Variants in TGFBR1 observed in about 807,000 individuals in gnomAD.
The protein encoded by TGFBR1 is transforming growth factor beta receptor 1.
A neutral mutation model predicts 55.1 loss-of-function variants in TGFBR1; 20 were observed. That is an observed-to-expected ratio of 0.36 (90% CI 0.26 to 0.53). The LOEUF is 0.53. Ranked by LOEUF, TGFBR1 falls within the 20% of genes least tolerant of loss-of-function variation. The pLI is 0.91. For synonymous variants in TGFBR1, 220 were observed against 214.8 expected, an observed-to-expected ratio of 1.02 and a Z score of -0.21; for missense variants, 385 against 617.6, an observed-to-expected ratio of 0.62 and a Z score of 3.99.
At chr9:99,146,671 T>C in intron 7 of TGFBR1, 62 bp downstream of exon 7, 1 of 1,608,858 alleles carries the variant, frequency 6.2e-7, no homozygotes, top group Middle Eastern at 1.7e-4. Flanking sequence ...AGAATTGTCT[T>C]CTTTTTTTAA....
chr9:99,129,400 T>G (rs1383334833), intron 2 of TGFBR1, among the ~76,000 whole-genome samples: 1 of 152,246 alleles, frequency 6.6e-6, no homozygotes, highest in Non-Finnish European at 1.5e-5. Flanking sequence ...GTCTCTACTT[T>G]GTTCTCAGAG....
At chr9:99,118,770 C>G (rs1826820163) in intron 1 of TGFBR1, among the ~76,000 whole-genome samples, 1 of 151,814 alleles carries the variant, frequency 6.6e-6, no homozygotes, top group Non-Finnish European at 1.5e-5. Context: ...CCCCAGCCTC[C>G]CAAATAGCTG....
chr9:99,124,891 C>T (rs933411869), intron 1 of TGFBR1, among the ~76,000 whole-genome samples: 1 of 151,966 alleles, frequency 6.6e-6, no homozygotes, highest in African/African-American at 2.4e-5. Context: ...AGGAGAAGTA[C>T]AGAGTGTATT....
At chr9:99,104,904 G>A (rs962776377), upstream of TGFBR1, among the ~76,000 whole-genome samples, 1 of 151,952 alleles carries the variant, frequency 6.6e-6, no homozygotes, top group Non-Finnish European at 1.5e-5. Flanking sequence ...GCTGGGGTCT[G>A]GCGGCCCAGC....
At chr9:99,128,320 G>A (rs1036318011) in intron 1 of TGFBR1, among the ~76,000 whole-genome samples, 16 of 151,966 alleles carry the variant, frequency 1.1e-4, no homozygotes, top group Non-Finnish European at 2.2e-4. Flanking sequence ...TGCACCAAGG[G>A]GAATAGAGAG....
At chr9:99,132,224 G>GGA (rs1005203080) in intron 2 of TGFBR1, among the ~76,000 whole-genome samples, 19 of 152,148 alleles carry the variant, frequency 1.2e-4, no homozygotes, top group African/African-American at 4.6e-4. Flanking sequence ...TGATAAGTGG[G>GGA]GAAGGTCCTA....
At chr9:99,120,430 A>T (rs1401443586) in intron 1 of TGFBR1, among the ~76,000 whole-genome samples, 1 of 152,220 alleles carries the variant, frequency 6.6e-6, no homozygotes, top group African/African-American at 2.4e-5. Flanking sequence ...AAGTGTGCAC[A>T]TCTGCTCTGT....
intron 3 of TGFBR1, among the ~76,000 whole-genome samples, chr9:99,134,129 T>G (rs2118651224): frequency 6.6e-6 from 1 of 152,256 alleles, no homozygotes; most frequent in African/African-American, 2.4e-5. Context: ...TGCAGAAAGC[T>G]CATATAATGA....
rs905896972 is a variant in TGFBR1, at chr9:99,149,842, A to G, written c.*537A>G. Reference sequence around the variant, plus strand: ...ATCTTGAGTCTAAAAATGACCTCATATAGTAGTGAGGAACATAATTCATGC... The same window carrying G: ...ATCTTGAGTCTAAAAATGACCTCATGTAGTAGTGAGGAACATAATTCATGC... On this transcript the variant is annotated 3_prime_UTR_variant, in exon 9 of 9. Transcript: ENST00000374994. 3.1e-5 allele frequency: 7 copies of G among 222,428 alleles called. No individual in the cohort carries two copies. Among genetic ancestry groups the G allele is most frequent in the African/African-American group, 1.6e-4 (7 of 44,482 alleles). 13.8% of individuals were successfully genotyped at this position (222,428 alleles called of 1,614,324 possible).
At chr9:99,111,133 G>A (rs971922992) in intron 1 of TGFBR1, among the ~76,000 whole-genome samples, 2 of 151,986 alleles carry the variant, frequency 1.3e-5, no homozygotes, top group African/African-American at 4.8e-5. Flanking sequence ...GACGAGTCCA[G>A]TGATAGTTGA....
intron 1 of TGFBR1, among the ~76,000 whole-genome samples, chr9:99,113,392 T>A (rs184592636): frequency 6.6e-6 from 1 of 152,358 alleles, no homozygotes; most frequent in East Asian, 1.9e-4. Context: ...CTGGTGCAGT[T>A]GTATCCCTAG....
chr9:99,105,992 G>A (rs1361204152), intron 1 of TGFBR1, among the ~76,000 whole-genome samples: 3 of 152,362 alleles, frequency 2.0e-5, no homozygotes, highest in Admixed American at 1.3e-4. Flanking sequence ...GCGGAGATGC[G>A]CGGAATGTTT....
chr9:99,151,988 A>C lies in TGFBR1; in HGVS notation c.*2683A>C, dbSNP rs1376220466. On this transcript the variant is annotated 3_prime_UTR_variant, in exon 9 of 9. Coordinates refer to ENST00000374994, the MANE Select transcript of TGFBR1 (RefSeq NM_004612.4). ...ATTCATTTTGTCAGTAGCCAGGAGA[A>C]ATGGGGATGGGGGAAATACGACTTA... 1 of 197,286 alleles carries C rather than the reference A, an allele frequency of 5.1e-6. No individual in the cohort carries two copies. The highest frequency in any genetic ancestry group is 1.1e-5 in the Non-Finnish European group (1 of 95,160). 12.2% of individuals were successfully genotyped at this position (197,286 alleles called of 1,614,324 possible).
intron 3 of TGFBR1, among the ~76,000 whole-genome samples, chr9:99,135,027 T>A (rs1394121448): frequency 6.6e-6 from 1 of 151,786 alleles, no homozygotes. Context: ...TGATGGATTC[T>A]GTGCACATCA....
At position 99,140,135 on chromosome 9, in the gene TGFBR1, A is replaced by G. The variant is rs190005037; in HGVS notation, c.805+2046A>G. On this transcript the variant is annotated intron_variant, in intron 4 of 8. Coordinates refer to ENST00000374994, the MANE Select transcript of TGFBR1 (RefSeq NM_004612.4). ...AGGTAGCGATTATCAGTGGCACCTG[A>G]CAATGTAATACCTCTTAAGTTAAAA... Among the ~76,000 whole-genome samples the G allele has an allele frequency of 5.9e-5, 9 of 152,300 alleles. No homozygotes were observed. The East Asian group carries it at 1.5e-3, about 26-fold the overall frequency.
At chr9:99,146,749 C>T (rs529723677) in intron 7 of TGFBR1, 140 bp downstream of exon 7, 39 of 1,307,474 alleles carry the variant, frequency 3.0e-5, no homozygotes, top group Middle Eastern at 1.8e-4. Context: ...AAAACAAAGG[C>T]GATGAAACCT....
intron 3 of TGFBR1, among the ~76,000 whole-genome samples, chr9:99,133,928 TG>T (rs1242116585): frequency 1.3e-5 from 2 of 149,014 alleles, no homozygotes; most frequent in Non-Finnish European, 3.0e-5. Flanking sequence ...CACCTGAACC[TG>T]GGGGGTGGAG....
At chr9:99,130,339 C>T (rs1261081671) in intron 2 of TGFBR1, among the ~76,000 whole-genome samples, 1 of 152,206 alleles carries the variant, frequency 6.6e-6, no homozygotes, top group Non-Finnish European at 1.5e-5. Flanking sequence ...TCACTCTCCA[C>T]TCAAAGTTGG....
intron 1 of TGFBR1, among the ~76,000 whole-genome samples, chr9:99,110,944 A>G (rs1038007263): frequency 1.3e-5 from 2 of 152,242 alleles, no homozygotes; most frequent in African/African-American, 4.8e-5. Flanking sequence ...TTTCATATAG[A>G]GTAAATACAT....
Sources: allele counts gnomAD v4.1 joint callset (sites outside exome capture counted in the v4.1 genomes callset), GRCh38; gene constraint gnomAD v4.1.1; transcripts MANE v1.5; gene names NCBI Gene and HGNC (gene_info 2026-07-23, HGNC 2026-07-21).